Variants in COMMD10 observed in about 807,000 individuals in gnomAD.
COMMD10 encodes the protein COMM domain containing 10.
In COMMD10, 33 loss-of-function variants were observed where a neutral mutation model predicts 28.9. The ratio of observed to expected loss-of-function variants is 1.14; its 90% CI spans 0.87 to 1.53. COMMD10 has a LOEUF of 1.53. COMMD10 is among the 40% of genes most tolerant of loss of function. The pLI, the probability that COMMD10 is intolerant of heterozygous loss-of-function variation, is 0.00. For missense variants in COMMD10, 310 were observed against 233.4 expected, an observed-to-expected ratio of 1.33 and a Z score of -2.14; for synonymous variants, 110 against 81.7, an observed-to-expected ratio of 1.35 and a Z score of -1.87.
intron 5 of COMMD10, among the ~76,000 whole-genome samples, chr5:116,223,399 T>C (rs150330719): frequency 6.6e-6 from 1 of 152,286 alleles, no homozygotes; most frequent in African/African-American, 2.4e-5. Context: ...ATATTTTATT[T>C]TAATGTTTAT....
intron 4 of COMMD10, among the ~76,000 whole-genome samples, chr5:116,094,130 C>T (rs1175374520): frequency 6.6e-6 from 1 of 152,090 alleles, no homozygotes; most frequent in Non-Finnish European, 1.5e-5. Flanking sequence ...TATGGCTGAC[C>T]TTCCTAAAAC....
intron 5 of COMMD10, among the ~76,000 whole-genome samples, chr5:116,231,010 T>C (rs1412060420): frequency 1.3e-5 from 2 of 152,154 alleles, no homozygotes; most frequent in Admixed American, 6.5e-5. Context: ...CTCTGGCTCC[T>C]CTTTTTTAAG....
intron 5 of COMMD10, among the ~76,000 whole-genome samples, chr5:116,149,622 T>G (rs1752451731): frequency 6.6e-6 from 1 of 151,518 alleles, no homozygotes; most frequent in African/African-American, 2.4e-5. Context: ...GTGAGCATTT[T>G]TTCATGTGTG....
chr5:116,273,068 A>G (rs942171856), intron 5 of COMMD10, among the ~76,000 whole-genome samples: 1 of 151,816 alleles, frequency 6.6e-6, no homozygotes, highest in African/African-American at 2.4e-5. Context: ...CCCACAATTC[A>G]TCTTAAATGT....
chr5:116,180,600 T>C (rs1747923054), intron 5 of COMMD10, among the ~76,000 whole-genome samples: 1 of 152,218 alleles, frequency 6.6e-6, no homozygotes, highest in African/African-American at 2.4e-5. Flanking sequence ...GTTTAAGAAA[T>C]TATACGTTTT....
rs753468266 is a variant in COMMD10, at chr5:116,210,813, G to A, written c.510+76635G>A. The stretch of plus-strand genomic sequence containing the variant: ...AGGATTTTTCTTTTCACAATCATTC[G>A]TCATAGGTAAAGAACTTATTTTTCT... On this transcript the variant is annotated intron_variant, in intron 5 of 6. Transcript: ENST00000274458. Among the ~76,000 whole-genome samples, 6 of 151,998 alleles carry A rather than the reference G, an allele frequency of 3.9e-5. No homozygotes were observed. The East Asian group carries it at 9.6e-4, about 24-fold the overall frequency.
chr5:116,116,185 C>T (rs1751227872), intron 4 of COMMD10, among the ~76,000 whole-genome samples: 1 of 152,026 alleles, frequency 6.6e-6, no homozygotes, highest in Non-Finnish European at 1.5e-5. Flanking sequence ...AAAAAATCCC[C>T]TTTAAGCCAT....
chr5:116,095,429 A>G (rs1024095333), intron 4 of COMMD10, among the ~76,000 whole-genome samples: 3 of 152,232 alleles, frequency 2.0e-5, no homozygotes, highest in Admixed American at 1.3e-4. Flanking sequence ...GATTAAGTGT[A>G]TTAAATACAT....
At chr5:116,183,020 G>C (rs777120589) in intron 5 of COMMD10, among the ~76,000 whole-genome samples, 1 of 152,044 alleles carries the variant, frequency 6.6e-6, no homozygotes, top group African/African-American at 2.4e-5. Flanking sequence ...AGTTTCCTGA[G>C]GCCTCTCCAG....
At chr5:116,249,679 A>G (rs976656439) in intron 5 of COMMD10, among the ~76,000 whole-genome samples, 9 of 151,944 alleles carry the variant, frequency 5.9e-5, no homozygotes, top group South Asian at 2.1e-4. Context: ...CAAATAAACT[A>G]TATTGTAGTT....
intron 5 of COMMD10, among the ~76,000 whole-genome samples, chr5:116,150,117 C>T (rs1281936485): frequency 6.6e-6 from 1 of 152,102 alleles, no homozygotes; most frequent in Non-Finnish European, 1.5e-5. Context: ...ATAGGGAATA[C>T]TTTCCCCATT....
At chr5:116,199,132 T>C (rs1748601045) in intron 5 of COMMD10, among the ~76,000 whole-genome samples, 1 of 152,290 alleles carries the variant, frequency 6.6e-6, no homozygotes, top group Middle Eastern at 3.4e-3. Context: ...GTGGTGTCAG[T>C]GTTCTAGATT....
At chr5:116,092,194 A>C (rs187709475) in intron 3 of COMMD10, among the ~76,000 whole-genome samples, 1 of 152,342 alleles carries the variant, frequency 6.6e-6, no homozygotes, top group East Asian at 1.9e-4. Context: ...AAACTATTGT[A>C]TACTTATTTG....
intron 5 of COMMD10, among the ~76,000 whole-genome samples, chr5:116,227,679 G>GT (rs1171362181): frequency 6.6e-6 from 1 of 151,950 alleles, no homozygotes; most frequent in East Asian, 1.9e-4. Flanking sequence ...GCTTCAGGAT[G>GT]TTTTTTCTCC....
At chr5:116,265,732 C>T (rs2112690448) in intron 5 of COMMD10, among the ~76,000 whole-genome samples, 1 of 151,726 alleles carries the variant, frequency 6.6e-6, no homozygotes, top group South Asian at 2.1e-4. Flanking sequence ...GTTGTTATGC[C>T]ATATTACAAA....
At chr5:116,123,788 G>A (rs956554230) in intron 4 of COMMD10, among the ~76,000 whole-genome samples, 2 of 151,978 alleles carry the variant, frequency 1.3e-5, no homozygotes, top group African/African-American at 2.4e-5. Flanking sequence ...TCTTTCTGGT[G>A]TAGTCTTGGG....
chr5:116,174,173 A>T (rs986611142), intron 5 of COMMD10, among the ~76,000 whole-genome samples: 3 of 151,958 alleles, frequency 2.0e-5, no homozygotes, highest in Admixed American at 2.0e-4. Flanking sequence ...CTAACTGGAT[A>T]CCTGAAAAAG....
At chr5:116,137,045 G>T (rs1427680250) in intron 5 of COMMD10, among the ~76,000 whole-genome samples, 1 of 152,018 alleles carries the variant, frequency 6.6e-6, no homozygotes. Flanking sequence ...AAGTGTTATG[G>T]TGTGCCCTAG....
At position 116,085,029 on chromosome 5, in the gene COMMD10, G is replaced by T. The variant is rs1750040115; in HGVS notation, c.-24G>T. 6.2e-7 allele frequency: 1 copy of T among 1,602,448 alleles called. No individual in the cohort carries two copies. Among genetic ancestry groups the T allele is most frequent in the African/African-American group, 1.3e-5 (1 of 74,934 alleles). ...GCTGGGTTCGGCGCAGCTAACAGAC[G>T]GCGGCAGTGCGAGAAAGCCGAAGAT... On this transcript the variant is annotated 5_prime_UTR_variant, in exon 1 of 7. Transcript: ENST00000274458.
Sources: allele counts gnomAD v4.1 joint callset (sites outside exome capture counted in the v4.1 genomes callset), GRCh38; gene constraint gnomAD v4.1.1; transcripts MANE v1.5; gene names NCBI Gene and HGNC (gene_info 2026-07-23, HGNC 2026-07-21).